ZMAT4: variants seen among roughly 807,000 people sequenced by gnomAD.
ZMAT4 encodes the protein zinc finger matrin-type 4.
A neutral mutation model predicts 28.7 loss-of-function variants in ZMAT4; 17 were observed. That is an observed-to-expected ratio of 0.59 (90% CI 0.41 to 0.89). The LOEUF (loss-of-function observed/expected upper bound fraction) is 0.89. Ranked by LOEUF, ZMAT4 falls within the 40% of genes least tolerant of loss-of-function variation. The pLI, the probability that ZMAT4 is intolerant of heterozygous loss-of-function variation, is 0.00. For synonymous variants in ZMAT4, 117 were observed against 109.2 expected (o/e 1.07, Z -0.44); for missense variants, 240 against 283.8 (o/e 0.85, Z 1.11).
chr8:40,745,045 G>C (rs1812161773), intron 3 of ZMAT4, among the ~76,000 whole-genome samples: 1 of 152,122 alleles, frequency 6.6e-6, no homozygotes, highest in Non-Finnish European at 1.5e-5. Context: ...AAGCCAAGGG[G>C]GAGTTGATAA....
chr8:40,710,621 G>GA (rs1162046567), intron 3 of ZMAT4, among the ~76,000 whole-genome samples: 1,876 of 143,508 alleles, frequency 0.013, 39 homozygotes, highest in African/African-American at 0.045. Context: ...TTTGTGGGGG[G>GA]AAAAAAAAAA....
At chr8:40,885,909 C>T (rs1317086520) in intron 1 of ZMAT4, among the ~76,000 whole-genome samples, 1 of 152,278 alleles carries the variant, frequency 6.6e-6, no homozygotes, top group East Asian at 1.9e-4. Context: ...ACTCATTGGC[C>T]CTTCCACAGG....
intron 2 of ZMAT4, among the ~76,000 whole-genome samples, chr8:40,807,836 T>G (rs2150593161): frequency 6.6e-6 from 1 of 152,336 alleles, no homozygotes; most frequent in Non-Finnish European, 1.5e-5. Context: ...ATCAATTATC[T>G]CAGCAATGCC....
chr8:40,697,766 C>A (rs1585896388), intron 3 of ZMAT4, among the ~76,000 whole-genome samples: 2 of 141,376 alleles, frequency 1.4e-5, no homozygotes, highest in African/African-American at 5.2e-5. Context: ...TGATAATCAT[C>A]ATCAAAACTT....
chr8:40,893,767 C>A (rs1448250894), intron 1 of ZMAT4, among the ~76,000 whole-genome samples: 1 of 152,154 alleles, frequency 6.6e-6, no homozygotes, highest in Non-Finnish European at 1.5e-5. Context: ...TATTTCATCA[C>A]CCAGGTAGTA....
Position 40,702,050 on chromosome 8 carries a change from C to A in ZMAT4, c.193-4649G>T, listed in dbSNP as rs562906526. ...CAAGAGAGTGGGATTGCTGTAAAAGCAAGTTCAACCCTCACTTGCTTTCGG... is the reference window on the plus strand; with the variant it reads ...CAAGAGAGTGGGATTGCTGTAAAAGAAAGTTCAACCCTCACTTGCTTTCGG... On this transcript the variant is annotated intron_variant, in intron 3 of 6. Transcript: ENST00000297737. Among the ~76,000 whole-genome samples, 5 of 152,212 alleles carry A rather than the reference C, an allele frequency of 3.3e-5. No individual in the cohort carries two copies. In the East Asian group the frequency reaches 9.7e-4, roughly 29 times the overall value.
intron 1 of ZMAT4, among the ~76,000 whole-genome samples, chr8:40,839,525 T>C (rs1563519040): frequency 6.6e-6 from 1 of 152,244 alleles, no homozygotes; most frequent in African/African-American, 2.4e-5. Flanking sequence ...CCTGCACTTG[T>C]ATGTTTATTA....
At chr8:40,548,363 G>T (rs1803266552) in intron 6 of ZMAT4, among the ~76,000 whole-genome samples, 1 of 152,058 alleles carries the variant, frequency 6.6e-6, no homozygotes, top group African/African-American at 2.4e-5. Flanking sequence ...GGCATAGATA[G>T]GTGATTTTTA....
At chr8:40,815,012 T>C (rs2055950) in intron 2 of ZMAT4, among the ~76,000 whole-genome samples, 110,321 of 152,156 alleles carry the variant, frequency 0.73, 40,290 homozygotes, top group East Asian at 0.84. Flanking sequence ...TGGCAGCTCA[T>C]GCCTGTAATC....
intron 1 of ZMAT4, among the ~76,000 whole-genome samples, chr8:40,879,908 A>G (rs1818162592): frequency 6.6e-6 from 1 of 151,032 alleles, no homozygotes. Flanking sequence ...ACTCCATTGT[A>G]TGGACGTACC....
intron 5 of ZMAT4, among the ~76,000 whole-genome samples, chr8:40,653,786 C>T (rs73677445): frequency 0.13 from 19,045 of 151,942 alleles, 1,478 homozygotes; most frequent in African/African-American, 0.22. Context: ...ATATTTCATA[C>T]AAAAAAAGAG....
chr8:40,890,113 T>G (rs924547231), intron 1 of ZMAT4, among the ~76,000 whole-genome samples: 1 of 152,246 alleles, frequency 6.6e-6, no homozygotes, highest in Non-Finnish European at 1.5e-5. Context: ...TTTTTCTTAC[T>G]TCTTTTGTTA....
At chr8:40,648,497 G>T (rs374848751) in intron 5 of ZMAT4, among the ~76,000 whole-genome samples, 8 of 150,942 alleles carry the variant, frequency 5.3e-5, no homozygotes, top group African/African-American at 4.9e-5. Context: ...TGGAAAACAC[G>T]CTGCAGGATA....
chr8:40,566,734 A>T (rs1221062307), intron 6 of ZMAT4, among the ~76,000 whole-genome samples: 1 of 152,116 alleles, frequency 6.6e-6, no homozygotes, highest in Non-Finnish European at 1.5e-5. Context: ...AAACTTTAAC[A>T]TACCCAGTTA....
At chr8:40,590,937 G>A (rs1168292440) in intron 5 of ZMAT4, among the ~76,000 whole-genome samples, 1 of 152,062 alleles carries the variant, frequency 6.6e-6, no homozygotes, top group Non-Finnish European at 1.5e-5. Flanking sequence ...TTCAGCTCAT[G>A]TGTCAATTAT....
At chr8:40,580,292 A>T (rs60223317) in intron 6 of ZMAT4, among the ~76,000 whole-genome samples, 17,657 of 152,090 alleles carry the variant, frequency 0.12, 1,412 homozygotes, top group African/African-American at 0.23. Context: ...GACTACAGGC[A>T]TGAGCCACCG....
intron 6 of ZMAT4, among the ~76,000 whole-genome samples, chr8:40,554,041 T>C (rs1803447112): frequency 6.6e-6 from 1 of 152,108 alleles, no homozygotes; most frequent in Non-Finnish European, 1.5e-5. Flanking sequence ...CATATACATG[T>C]CTTGTCATGT....
At chr8:40,710,604 C>T (rs1024569577) in intron 3 of ZMAT4, among the ~76,000 whole-genome samples, 1 of 151,556 alleles carries the variant, frequency 6.6e-6, no homozygotes, top group African/African-American at 2.4e-5. Context: ...AAAAAGAAAC[C>T]CAGCCTTTTG....
chr8:40,776,360 T>G (rs1024966742), intron 2 of ZMAT4, among the ~76,000 whole-genome samples: 3 of 152,216 alleles, frequency 2.0e-5, no homozygotes, highest in Admixed American at 2.0e-4. Context: ...GGATGTGCAG[T>G]GCCTGTGATT....
Sources: allele counts gnomAD v4.1 joint callset (sites outside exome capture counted in the v4.1 genomes callset), GRCh38; gene constraint gnomAD v4.1.1; transcripts MANE v1.5; gene names NCBI Gene and HGNC (gene_info 2026-07-23, HGNC 2026-07-21).